CRPPA: variants seen among roughly 807,000 people sequenced by gnomAD.
CRPPA encodes CDP-L-ribitol pyrophosphorylase A.
CRPPA carries 43 observed loss-of-function variants against 52.0 expected under a neutral mutation model. The ratio of observed to expected loss-of-function variants is 0.83; its 90% confidence interval spans 0.65 to 1.07. The LOEUF is 1.07. Among genes scored for constraint, CRPPA ranks in the 50% least tolerant of loss-of-function variants. CRPPA has a pLI of 0.00. For missense variants in CRPPA, 629 were observed against 551.7 expected, an observed-to-expected ratio of 1.14 and a Z score of -1.40; for synonymous variants, 250 against 203.5, an observed-to-expected ratio of 1.23 and a Z score of -1.94.
At chr7:16,397,147 GA>G (rs1787607949) in intron 2 of CRPPA, among the ~76,000 whole-genome samples, 1 of 152,380 alleles carries the variant, frequency 6.6e-6, no homozygotes, top group Admixed American at 6.5e-5. Context: ...ATGCGTGTCT[GA>G]CACATTAGCA....
chr7:16,290,500 A>G (rs1222199982), intron 5 of CRPPA, among the ~76,000 whole-genome samples: 1 of 152,098 alleles, frequency 6.6e-6, no homozygotes, highest in East Asian at 1.9e-4. Flanking sequence ...AAATCCACAT[A>G]TTTACAGTCA....
chr7:16,213,214 G>A (rs1199673315), intron 9 of CRPPA, among the ~76,000 whole-genome samples: 6 of 152,134 alleles, frequency 3.9e-5, no homozygotes, highest in African/African-American at 4.8e-5. Context: ...TAGGTGATTA[G>A]TACAGGTTCC....
chr7:16,264,114 C>G (rs1381241135), intron 6 of CRPPA, among the ~76,000 whole-genome samples: 1 of 152,010 alleles, frequency 6.6e-6, no homozygotes, highest in Non-Finnish European at 1.5e-5. Flanking sequence ...AGTAAAGAAA[C>G]TTAGATTTTA....
intron 3 of CRPPA, among the ~76,000 whole-genome samples, chr7:16,365,651 A>G (rs1462885083): frequency 6.6e-6 from 1 of 152,246 alleles, no homozygotes; most frequent in African/African-American, 2.4e-5. Flanking sequence ...GCCCTGTATC[A>G]GAGAATATTT....
At chr7:16,185,512 T>C (rs978669554) in intron 9 of CRPPA, among the ~76,000 whole-genome samples, 6 of 152,110 alleles carry the variant, frequency 3.9e-5, no homozygotes, top group African/African-American at 9.7e-5. Context: ...GTGGTGGCAA[T>C]AGGCATAGAA....
intron 3 of CRPPA, among the ~76,000 whole-genome samples, chr7:16,353,852 A>T (rs1583542620): frequency 1.7e-4 from 1 of 5,722 alleles, no homozygotes; most frequent in East Asian, 1.3e-3. Context: ...TCCATCTCAC[A>T]AAAAAAAAAA....
intron 6 of CRPPA, among the ~76,000 whole-genome samples, chr7:16,275,102 A>G (rs994738630): frequency 6.6e-5 from 10 of 152,092 alleles, no homozygotes; most frequent in Admixed American, 3.3e-4. Context: ...GTGGGTAGGG[A>G]TAAATTGGCA....
intron 5 of CRPPA, among the ~76,000 whole-genome samples, chr7:16,286,019 T>TAAAAAAA (rs1562608190): frequency 1.3e-4 from 2 of 15,070 alleles, no homozygotes; most frequent in African/African-American, 6.9e-4. Context: ...AAACTCCATC[T>TAAAAAAA]CAAAAAAAAA....
At chr7:16,182,710 G>A (rs1029773893) in intron 9 of CRPPA, among the ~76,000 whole-genome samples, 1 of 152,042 alleles carries the variant, frequency 6.6e-6, no homozygotes, top group African/African-American at 2.4e-5. Context: ...TTCTCACTTT[G>A]AGGCACTGCT....
At chr7:16,327,144 T>C (rs1256115845) in intron 3 of CRPPA, among the ~76,000 whole-genome samples, 2 of 152,116 alleles carry the variant, frequency 1.3e-5, no homozygotes, top group Admixed American at 6.5e-5. Context: ...AAACAAACAG[T>C]TCTTTTGCTT....
chr7:16,203,693 GA>G (rs1287643040), intron 9 of CRPPA, among the ~76,000 whole-genome samples: 1 of 152,062 alleles, frequency 6.6e-6, no homozygotes, highest in African/African-American at 2.4e-5. Context: ...CATTATCTTA[GA>G]ATTTTTTCAG....
chr7:16,372,280 T>C (rs536818085), intron 3 of CRPPA, among the ~76,000 whole-genome samples: 11 of 152,150 alleles, frequency 7.2e-5, no homozygotes, highest in Admixed American at 2.6e-4. Context: ...ATGAAAGAAA[T>C]GTTAAGAGCT....
intron 8 of CRPPA, among the ~76,000 whole-genome samples, chr7:16,242,904 T>G (rs1783162897): frequency 6.6e-6 from 1 of 152,188 alleles, no homozygotes; most frequent in African/African-American, 2.4e-5. Context: ...ACAGATTCAT[T>G]AAGAACAGAA....
chr7:16,317,566 T>A (rs145443638), intron 3 of CRPPA, among the ~76,000 whole-genome samples: 1 of 152,154 alleles, frequency 6.6e-6, no homozygotes, highest in Non-Finnish European at 1.5e-5. Flanking sequence ...GATTCATTCA[T>A]GTTGTTAAAA....
chr7:16,356,061 A>AG (rs1163908120), intron 3 of CRPPA, among the ~76,000 whole-genome samples: 2 of 152,190 alleles, frequency 1.3e-5, no homozygotes, highest in Non-Finnish European at 2.9e-5. Flanking sequence ...TGGAAAAAAA[A>AG]AAATTACAGA....
intron 9 of CRPPA, among the ~76,000 whole-genome samples, chr7:16,120,130 T>C (rs1469934753): frequency 1.3e-5 from 2 of 152,210 alleles, no homozygotes; most frequent in African/African-American, 4.8e-5. Context: ...ACCATTAGTA[T>C]TTACAGAGTA....
intron 5 of CRPPA, among the ~76,000 whole-genome samples, chr7:16,300,962 G>C (rs1784779032): frequency 6.6e-6 from 1 of 152,114 alleles, no homozygotes; most frequent in African/African-American, 2.4e-5. Flanking sequence ...GTCATTGTCA[G>C]AACCCAAAAG....
At chr7:16,196,881 T>A (rs535387300) in intron 9 of CRPPA, among the ~76,000 whole-genome samples, 37 of 152,284 alleles carry the variant, frequency 2.4e-4, no homozygotes, top group South Asian at 1.4e-3. Flanking sequence ...TACTAATGTG[T>A]TTTCATAACC....
At chr7:16,353,647 T>C (rs562691181) in intron 3 of CRPPA, among the ~76,000 whole-genome samples, 3 of 152,194 alleles carry the variant, frequency 2.0e-5, no homozygotes, top group South Asian at 4.1e-4. Flanking sequence ...GTCAGGAGTT[T>C]GAGACCAGCC....
Sources: allele counts gnomAD v4.1 joint callset (sites outside exome capture counted in the v4.1 genomes callset), GRCh38; gene constraint gnomAD v4.1.1; transcripts MANE v1.5; gene names NCBI Gene and HGNC (gene_info 2026-07-23, HGNC 2026-07-21).